The following HEATR5A variants were observed in gnomAD, a reference collection of about 807,000 sequenced individuals.
HEATR5A encodes HEAT repeat containing 5A, also known as HEAT repeat-containing protein 5A.
Under a neutral mutation model 218.8 loss-of-function variants are expected in HEATR5A, and 178 were observed. The observed-to-expected ratio is 0.81, with a 90% CI of 0.72 to 0.92. The LOEUF is 0.92. Among genes scored for constraint, HEATR5A ranks in the 40% least tolerant of loss-of-function variants. HEATR5A has a pLI of 0.00. For synonymous variants in HEATR5A, 864 were observed against 871.6 expected (o/e 0.99, Z 0.15); for missense variants, 2,420 against 2,418.9 (o/e 1.00, Z -0.01).
rs1902171395 is a variant in HEATR5A, at chr14:31,374,902, G to C, written c.1775C>G (p.Ser592Cys). ...CTTTTCTGTTTCTAGATCTTTAGGA[G>C]ATGCTGGAAAGACACACTTCCACAA... ...LLLWKCVFPA[S>C]PKDLETEKSR... Residue 592 changes from serine (S) to cysteine (C), a missense_variant, in exon 12 of 36, where the codon TCT (serine) becomes TGT (cysteine). Physicochemically the swap from Ser to Cys is moderately radical, Grantham distance 112. Coordinates refer to ENST00000543095, the MANE Select transcript of HEATR5A (RefSeq NM_015473.4). 1 of 1,613,232 alleles carries C rather than the reference G, an allele frequency of 6.2e-7. No homozygotes were observed. Among genetic ancestry groups the C allele is most frequent in the African/African-American group, 1.3e-5 (1 of 75,022 alleles).
chr14:31,415,439 A>G (rs965579467), intron 1 of HEATR5A, among the ~76,000 whole-genome samples: 1 of 152,218 alleles, frequency 6.6e-6, no homozygotes, highest in Admixed American at 6.5e-5. Context: ...AAACTAACTG[A>G]TATTTCTGCA....
chr14:31,347,467 A>G (rs114108294), intron 19 of HEATR5A, among the ~76,000 whole-genome samples: 148 of 152,302 alleles, frequency 9.7e-4, no homozygotes, highest in Middle Eastern at 3.4e-3. Flanking sequence ...CTGCCTCGGC[A>G]TCCTGAAGTG....
In HEATR5A at chr14:31,352,584, A is replaced by AAAGAG. The variant is rs763084360; in HGVS notation, c.2412-1872_2412-1868dup. Among the ~76,000 whole-genome samples the AAAGAG allele has an allele frequency of 5.3e-5, 8 of 152,324 alleles. No individual in the cohort carries two copies. In the East Asian group the frequency reaches 9.6e-4, roughly 18 times the overall value. On this transcript the variant is annotated intron_variant, in intron 16 of 35. Transcript: ENST00000543095. ...AAAAAACCTAACTGTACAAGGAGTT[A>AAAGAG]AAGAGTAAAAAGGAAGGTATCGAGG...
chr14:31,312,130 C>G (rs1006837098), intron 28 of HEATR5A, among the ~76,000 whole-genome samples: 17 of 152,140 alleles, frequency 1.1e-4, no homozygotes, highest in Middle Eastern at 3.4e-3. Flanking sequence ...CAAGGAGAAA[C>G]AAGAAAGTTG....
chr14:31,359,100 CT>C (rs1450522088), intron 14 of HEATR5A, 43 bp from the exon 15 acceptor site: 3 of 1,557,074 alleles, frequency 1.9e-6, no homozygotes, highest in Admixed American at 2.0e-5. Context: ...TATTAATTAT[CT>C]GGTGAGAGTA....
At chr14:31,365,241 T>G (rs1475620159) in intron 13 of HEATR5A, among the ~76,000 whole-genome samples, 1 of 152,198 alleles carries the variant, frequency 6.6e-6, no homozygotes, top group Non-Finnish European at 1.5e-5. Flanking sequence ...AATACAGAAG[T>G]TTAATGAAAT....
In HEATR5A at chr14:31,350,733, A is replaced by C; in HGVS notation, c.2412-16T>G. ...TATAAGAAGCCTACAATCAGAAATA[A>C]CAGGATTTAAAAGCAAGTAGGTAAG... On this transcript the variant is annotated splice_polypyrimidine_tract_variant and intron_variant, in intron 16 of 35. Coordinates refer to ENST00000543095, the MANE Select transcript of HEATR5A (RefSeq NM_015473.4). 1.5e-6 allele frequency: 2 copies of C among 1,361,494 alleles called. No individual in the cohort carries two copies. The highest frequency in any genetic ancestry group is 2.1e-6 in the Non-Finnish European group (2 of 973,656). 84.3% of individuals were successfully genotyped at this position (1,361,494 alleles called of 1,614,324 possible). A position where few individuals can be genotyped will look rare whatever the true frequency, so the allele number is the denominator to read the frequency against.
At chr14:31,341,815 T>C (rs1900849506) in intron 21 of HEATR5A, among the ~76,000 whole-genome samples, 1 of 152,168 alleles carries the variant, frequency 6.6e-6, no homozygotes. Flanking sequence ...AGGTAATTAA[T>C]GGAAATCTTC....
At chr14:31,396,487 G>GT (rs2030658494) in intron 4 of HEATR5A, among the ~76,000 whole-genome samples, 1 of 152,114 alleles carries the variant, frequency 6.6e-6, no homozygotes, top group Non-Finnish European at 1.5e-5. Flanking sequence ...TTTTATTAAT[G>GT]TTTTACTAAA....
intron 3 of HEATR5A, among the ~76,000 whole-genome samples, chr14:31,399,342 C>A (rs1363228836): frequency 1.3e-5 from 2 of 152,086 alleles, no homozygotes; most frequent in African/African-American, 4.8e-5. Flanking sequence ...AGATTACACA[C>A]CCTCAAGTTT....
chr14:31,328,116 T>A (rs1044421832), intron 22 of HEATR5A, among the ~76,000 whole-genome samples: 44 of 147,838 alleles, frequency 3.0e-4, no homozygotes, highest in Non-Finnish European at 4.7e-4. Flanking sequence ...GCCCAGCTAA[T>A]TTTTTTTTTT....
intron 16 of HEATR5A, among the ~76,000 whole-genome samples, chr14:31,352,596 G>C (rs1901271264): frequency 6.6e-6 from 1 of 152,140 alleles, no homozygotes; most frequent in Non-Finnish European, 1.5e-5. Flanking sequence ...AGAGTAAAAA[G>C]GAAGGTATCG....
chr14:31,417,475 C>A (rs146470636), intron 1 of HEATR5A, among the ~76,000 whole-genome samples: 15,818 of 152,228 alleles, frequency 0.1, 1,204 homozygotes, highest in East Asian at 0.35. Context: ...ATCCCAGCTA[C>A]TCGGGAGGCT....
At chr14:31,325,046 T>C (rs561295197) in intron 23 of HEATR5A, among the ~76,000 whole-genome samples, 3 of 152,278 alleles carry the variant, frequency 2.0e-5, no homozygotes, top group African/African-American at 7.2e-5. Flanking sequence ...GTGGAAGGCT[T>C]GTGGATTTTA....
At chr14:31,369,933 CAAAA>C (rs34006984) in intron 13 of HEATR5A, among the ~76,000 whole-genome samples, 1 of 139,146 alleles carries the variant, frequency 7.2e-6, no homozygotes. Flanking sequence ...GACTCTATCT[CAAAA>C]AAAAAAAAAG....
intron 22 of HEATR5A, among the ~76,000 whole-genome samples, chr14:31,332,062 CA>C (rs1281513559): frequency 6.6e-6 from 1 of 152,112 alleles, no homozygotes; most frequent in Non-Finnish European, 1.5e-5. Flanking sequence ...GATGATTTGG[CA>C]AAAGGTTTAC....
intron 16 of HEATR5A, among the ~76,000 whole-genome samples, chr14:31,354,034 C>T (rs1243191057): frequency 2.0e-5 from 3 of 151,800 alleles, no homozygotes; most frequent in Non-Finnish European, 4.4e-5. Context: ...CTCTTGGCCT[C>T]GTGATCCGCC....
At chr14:31,375,056 A>C in intron 11 of HEATR5A, 88 bp from the exon 12 acceptor site, 1 of 1,080,592 alleles carries the variant, frequency 9.3e-7, no homozygotes. Flanking sequence ...TTCTCTCCTA[A>C]ACATTTTAAT....
At position 31,302,382 on chromosome 14, in the gene HEATR5A, G is replaced by A; in HGVS notation, c.5377C>T (p.Pro1793Ser). 1 of 1,603,592 alleles carries A rather than the reference G, an allele frequency of 6.2e-7. No homozygotes were observed. The highest frequency in any genetic ancestry group is 1.1e-5 in the South Asian group (1 of 88,930). ...CGGCTCTTTTCTGCCCGGGCCATGG[G>A]AGAAGATAATATTCCTTTTAGAGCC... is the stretch of plus-strand genomic sequence containing the variant. ...LQALKGILSS[P>S]MARAEKSRTA... Residue 1793 changes from proline (P) to serine (S), a missense_variant, in exon 33 of 36, where the codon CCC (proline) becomes TCC (serine). By Grantham distance (74) the Pro-to-Ser change is moderately conservative (BLOSUM62 -1). Transcript: ENST00000543095.
Sources: gnomAD v4.1 joint callset for allele counts (sites outside exome capture counted in the v4.1 genomes callset) on GRCh38, gnomAD v4.1.1 for gene constraint, MANE v1.5 for transcripts, NCBI Gene and HGNC (gene_info 2026-07-23, HGNC 2026-07-21) for gene names.